The following ADAMTS17 variants were observed in gnomAD, a reference collection of about 807,000 sequenced individuals.
ADAMTS17 encodes A disintegrin and metalloproteinase with thrombospondin motifs 17.
Under a neutral mutation model 141.5 loss-of-function variants are expected in ADAMTS17, and 113 were observed. The ratio of observed to expected loss-of-function variants is 0.80; its 90% confidence interval spans 0.69 to 0.93. The LOEUF (loss-of-function observed/expected upper bound fraction) is 0.93, where lower values mean the gene tolerates loss of function less well. Ranked by LOEUF, ADAMTS17 falls within the 40% of genes least tolerant of loss-of-function variation. The pLI is 0.00. For missense variants in ADAMTS17, 1,659 were observed against 1,517.9 expected, an observed-to-expected ratio of 1.09 and a Z score of -1.54; for synonymous variants, 768 against 630.6, an observed-to-expected ratio of 1.22 and a Z score of -3.27.
intron 8 of ADAMTS17, among the ~76,000 whole-genome samples, chr15:100,171,815 C>A (rs145190170): frequency 6.6e-6 from 1 of 152,190 alleles, no homozygotes; most frequent in African/African-American, 2.4e-5. Context: ...ACCAACGGAC[C>A]CAACAAAATA....
chr15:100,046,353 G>A (rs921229944), intron 18 of ADAMTS17, among the ~76,000 whole-genome samples: 3 of 152,160 alleles, frequency 2.0e-5, no homozygotes, highest in Non-Finnish European at 4.4e-5. Context: ...ACTGTGAGAG[G>A]TGGAAAAGGC....
chr15:100,330,579 G>A (rs183507580), intron 3 of ADAMTS17, among the ~76,000 whole-genome samples: 153 of 152,230 alleles, frequency 1.0e-3, no homozygotes, highest in Non-Finnish European at 1.5e-3. Context: ...GCACCAGGAG[G>A]AGGGAATTCT....
rs536075427 is a variant in ADAMTS17, at chr15:100,239,600, G to A, written c.1075+14536C>T. Among the ~76,000 whole-genome samples, 15 of 152,304 alleles carry A rather than the reference G, an allele frequency of 9.8e-5. No homozygotes were observed. In the East Asian group the frequency reaches 2.7e-3, roughly 28 times the overall value. On this transcript the variant is annotated intron_variant, in intron 7 of 21. Coordinates refer to ENST00000268070, the MANE Select transcript of ADAMTS17 (RefSeq NM_139057.4). ...AGGGGGTCTCTCTCCAGCGTTGCAG[G>A]AGGAAGTGTTGGAGACGGGCTCTGG...
chr15:100,311,916 G>A (rs1337903787), intron 3 of ADAMTS17, among the ~76,000 whole-genome samples: 1 of 152,156 alleles, frequency 6.6e-6, no homozygotes, highest in African/African-American at 2.4e-5. Context: ...TGTTGCAGTA[G>A]ACGGATCAAG....
intron 15 of ADAMTS17, among the ~76,000 whole-genome samples, chr15:100,086,700 C>T (rs961439725): frequency 4.6e-5 from 7 of 150,836 alleles, no homozygotes; most frequent in Admixed American, 2.7e-4. Flanking sequence ...CTCAAAACCG[C>T]TCAACTACAT....
At chr15:100,285,288 CTAGACGT>C (rs2044410188) in intron 3 of ADAMTS17, among the ~76,000 whole-genome samples, 1 of 152,160 alleles carries the variant, frequency 6.6e-6, no homozygotes. Flanking sequence ...ACAATTTACT[CTAGACGT>C]TTGGGGACTG....
chr15:100,239,385 T>C (rs1167109374), intron 7 of ADAMTS17, among the ~76,000 whole-genome samples: 1 of 152,196 alleles, frequency 6.6e-6, no homozygotes, highest in Non-Finnish European at 1.5e-5. Context: ...TTCCTACCTG[T>C]CAATAATGAC....
rs2043283755 is a variant in ADAMTS17, at chr15:100,255,178, T to C, written c.1032-999A>G. 2.6e-5 allele frequency among the ~76,000 whole-genome samples: 4 copies of C among 152,130 alleles called. No individual in the cohort carries two copies. The South Asian group carries it at 8.3e-4, about 32-fold the overall frequency. On this transcript the variant is annotated intron_variant, in intron 6 of 21. Transcript: ENST00000268070. ...GTGGGGAAACCAGGGGTCTAGGCTC[T>C]TCTTTTCTAATACTGGATCATTCCT...
At chr15:100,089,148 AAAC>A (rs923803488) in intron 15 of ADAMTS17, among the ~76,000 whole-genome samples, 3 of 151,940 alleles carry the variant, frequency 2.0e-5, no homozygotes, top group Admixed American at 6.6e-5. Flanking sequence ...TACAAGAAAA[AAAC>A]AACCCCATCA....
At chr15:100,022,997 C>T (rs2061433021) in intron 18 of ADAMTS17, among the ~76,000 whole-genome samples, 2 of 152,198 alleles carry the variant, frequency 1.3e-5, no homozygotes, top group South Asian at 4.1e-4. Flanking sequence ...TTTTCAAAAA[C>T]AGTTTCCTAA....
At chr15:100,330,120 C>G (rs1467527438) in intron 3 of ADAMTS17, among the ~76,000 whole-genome samples, 5 of 152,162 alleles carry the variant, frequency 3.3e-5, no homozygotes, top group Non-Finnish European at 7.4e-5. Flanking sequence ...AAACAGGTGA[C>G]AGGTCATCCA....
chr15:100,333,939 C>T, intron 2 of ADAMTS17, among the ~76,000 whole-genome samples: 1 of 152,186 alleles, frequency 6.6e-6, no homozygotes, highest in East Asian at 1.9e-4. Flanking sequence ...ATAAAGCCCC[C>T]AATGAAATGG....
At chr15:100,056,567 T>A (rs1388241972) in intron 15 of ADAMTS17, among the ~76,000 whole-genome samples, 1 of 152,086 alleles carries the variant, frequency 6.6e-6, no homozygotes, top group Non-Finnish European at 1.5e-5. Flanking sequence ...GGGTTTGCGC[T>A]CCTATGAGAA....
At chr15:100,110,217 A>T (rs181784823) in intron 13 of ADAMTS17, among the ~76,000 whole-genome samples, 3 of 132,784 alleles carry the variant, frequency 2.3e-5, no homozygotes, top group Middle Eastern at 7.6e-3. Flanking sequence ...GTATATATAT[A>T]TTTTTATATA....
intron 7 of ADAMTS17, among the ~76,000 whole-genome samples, chr15:100,207,225 C>T (rs540476161): frequency 6.6e-6 from 1 of 152,132 alleles, no homozygotes; most frequent in Admixed American, 6.5e-5. Flanking sequence ...TTCCCTCTCT[C>T]CAAGTGAGCA....
At chr15:100,160,473 G>A (rs2141403106) in intron 8 of ADAMTS17, among the ~76,000 whole-genome samples, 1 of 152,302 alleles carries the variant, frequency 6.6e-6, no homozygotes, top group African/African-American at 2.4e-5. Flanking sequence ...AAAATTTCAT[G>A]AGCTTTCTCA....
intron 15 of ADAMTS17, among the ~76,000 whole-genome samples, chr15:100,054,492 C>T (rs1391990099): frequency 6.6e-6 from 1 of 152,180 alleles, no homozygotes; most frequent in African/African-American, 2.4e-5. Flanking sequence ...TAGCAAAACT[C>T]ATCAGTTCCC....
At chr15:100,217,929 G>A (rs1184276850) in intron 7 of ADAMTS17, among the ~76,000 whole-genome samples, 1 of 152,308 alleles carries the variant, frequency 6.6e-6, no homozygotes, top group East Asian at 1.9e-4. Flanking sequence ...GTGAAGTGCT[G>A]GACTGCAGTG....
intron 8 of ADAMTS17, among the ~76,000 whole-genome samples, chr15:100,197,673 G>T (rs770257789): frequency 3.9e-5 from 6 of 152,108 alleles, no homozygotes; most frequent in Non-Finnish European, 8.8e-5. Flanking sequence ...AGTATCATGG[G>T]ATTTCCTCCC....
Sources: gnomAD v4.1 joint callset for allele counts (sites outside exome capture counted in the v4.1 genomes callset) on GRCh38, gnomAD v4.1.1 for gene constraint, MANE v1.5 for transcripts, NCBI Gene and HGNC (gene_info 2026-07-23, HGNC 2026-07-21) for gene names.